The following CCDC85A variants were observed in gnomAD, a reference collection of about 807,000 sequenced individuals.
The protein encoded by CCDC85A is coiled-coil domain-containing protein 85A.
A neutral mutation model predicts 50.2 loss-of-function variants in CCDC85A; 38 were observed. That is an observed-to-expected ratio of 0.76 (90% CI 0.58 to 0.99). The LOEUF (loss-of-function observed/expected upper bound fraction) is 0.99. Among genes scored for constraint, CCDC85A ranks in the 50% least tolerant of loss-of-function variants. The pLI is 0.00. For missense variants in CCDC85A, 820 were observed against 742.0 expected (o/e 1.11, Z -1.22); for synonymous variants, 366 against 301.4 (o/e 1.21, Z -2.22).
chr2:56,292,224 A>G (rs1413504635), intron 2 of CCDC85A, among the ~76,000 whole-genome samples: 1 of 152,070 alleles, frequency 6.6e-6, no homozygotes, highest in Non-Finnish European at 1.5e-5. Flanking sequence ...CTGGGACTAC[A>G]GGCAACCACT....
At chr2:56,274,946 G>A (rs1028098593) in intron 2 of CCDC85A, among the ~76,000 whole-genome samples, 1 of 152,042 alleles carries the variant, frequency 6.6e-6, no homozygotes, top group Non-Finnish European at 1.5e-5. Context: ...GGTGTGTGTG[G>A]GTTAAGAGAG....
chr2:56,341,911 T>C (rs1404036893), intron 2 of CCDC85A, among the ~76,000 whole-genome samples: 1 of 152,174 alleles, frequency 6.6e-6, no homozygotes, highest in Non-Finnish European at 1.5e-5. Flanking sequence ...AAAGAACAAA[T>C]ATTTTTCTTA....
intron 2 of CCDC85A, among the ~76,000 whole-genome samples, chr2:56,211,918 G>T (rs1247507421): frequency 3.3e-5 from 5 of 151,934 alleles, no homozygotes; most frequent in Non-Finnish European, 7.4e-5. Flanking sequence ...AAACCTCCCA[G>T]TTCATGCTAA....
chr2:56,218,169 A>G (rs915804143), intron 2 of CCDC85A, among the ~76,000 whole-genome samples: 23 of 151,900 alleles, frequency 1.5e-4, no homozygotes, highest in African/African-American at 5.1e-4. Flanking sequence ...CAAATCTATC[A>G]TACCTTGTGA....
In CCDC85A at chr2:56,192,991, C is replaced by A; in HGVS notation, c.791C>A (p.Ala264Asp). The A allele has an allele frequency of 6.2e-7, 1 of 1,613,460 alleles. No individual in the cohort carries two copies. The highest frequency in any genetic ancestry group is 1.1e-5 in the South Asian group (1 of 91,052). ...ASPEHPQKPR[A>D]CGTPDRPKAL... ...CCCGAGCATCCACAGAAACCCAGAGCCTGTGGAACCCCAGATCGCCCCAAA... is the reference window on the plus strand; with the variant it reads ...CCCGAGCATCCACAGAAACCCAGAGACTGTGGAACCCCAGATCGCCCCAAA... The change falls in exon 2 of 6, where the codon GCC becomes GAC. Residue 264 changes from alanine (A) to aspartate (D), a missense_variant. By Grantham distance (126) the Ala-to-Asp change is moderately radical. Transcript: ENST00000407595. This position sits in a 1 kb window ranked among gnomAD's most constrained non-coding sequence, Gnocchi z 4.7.
chr2:56,232,741 C>G (rs1272036110), intron 2 of CCDC85A, among the ~76,000 whole-genome samples: 3 of 152,162 alleles, frequency 2.0e-5, no homozygotes, highest in Admixed American at 2.0e-4. Context: ...CCCCTCACCA[C>G]TCCACATCCA....
At chr2:56,373,977 A>G (rs1338231371) in intron 4 of CCDC85A, among the ~76,000 whole-genome samples, 1 of 152,210 alleles carries the variant, frequency 6.6e-6, no homozygotes, top group Non-Finnish European at 1.5e-5. Context: ...TGTGTCCCTT[A>G]ACCATCTTTT....
intron 2 of CCDC85A, among the ~76,000 whole-genome samples, chr2:56,253,933 T>C (rs150248357): frequency 1.2e-4 from 18 of 152,258 alleles, no homozygotes; most frequent in African/African-American, 3.9e-4. Flanking sequence ...TGAGTGGACA[T>C]TGGCTTTGAT....
intron 2 of CCDC85A, among the ~76,000 whole-genome samples, chr2:56,269,312 C>T (rs1670594521): frequency 1.4e-5 from 2 of 147,028 alleles, no homozygotes; most frequent in Admixed American, 1.4e-4. Context: ...TGCCCATGCA[C>T]ACTACCATAC....
chr2:56,192,917 G>A lies in CCDC85A; in HGVS notation c.717G>A (p.Lys239=), dbSNP rs774821369. The change falls in exon 2 of 6, where the codon AAG becomes AAA. Residue 239 remains lysine, a synonymous_variant. Coordinates refer to ENST00000407595, the MANE Select transcript of CCDC85A (RefSeq NM_001080433.2). This position sits in a 1 kb window ranked among gnomAD's most constrained non-coding sequence, Gnocchi z 4.7. ...ASSGSPEHLQ[K]PRSEGSPEHS... is the part of the protein sequence containing the mutation. ...GTGGCAGCCCGGAGCACCTGCAGAAGCCCCGGAGCGAGGGCAGCCCGGAGC... is the reference window on the plus strand; with the variant it reads ...GTGGCAGCCCGGAGCACCTGCAGAAACCCCGGAGCGAGGGCAGCCCGGAGC... The A allele has an allele frequency of 1.9e-6, 3 of 1,610,066 alleles. No individual in the cohort carries two copies. Among genetic ancestry groups the A allele is most frequent in the South Asian group, 1.1e-5 (1 of 90,858 alleles).
At chr2:56,189,622 C>A (rs936490759) in intron 1 of CCDC85A, among the ~76,000 whole-genome samples, 1 of 151,968 alleles carries the variant, frequency 6.6e-6, no homozygotes, top group South Asian at 2.1e-4. Context: ...TAAATTTCAA[C>A]TTTTATTTTA....
chr2:56,350,973 G>C (rs562014216), intron 3 of CCDC85A, among the ~76,000 whole-genome samples: 11 of 143,714 alleles, frequency 7.7e-5, no homozygotes, highest in South Asian at 2.3e-4. Flanking sequence ...TTTAGCATTA[G>C]GTATATCTCC....
chr2:56,249,827 T>C (rs1353882859), intron 2 of CCDC85A, among the ~76,000 whole-genome samples: 1 of 152,214 alleles, frequency 6.6e-6, no homozygotes, highest in African/African-American at 2.4e-5. Flanking sequence ...GGGGCATTTG[T>C]GTCCTTCAGA....
At chr2:56,355,454 A>G (rs1675176149) in intron 3 of CCDC85A, among the ~76,000 whole-genome samples, 1 of 152,188 alleles carries the variant, frequency 6.6e-6, no homozygotes, top group African/African-American at 2.4e-5. Context: ...ACTTCATAGT[A>G]TCTCACAAAA....
intron 2 of CCDC85A, among the ~76,000 whole-genome samples, chr2:56,266,578 G>GC (rs58439265): frequency 0.25 from 15,142 of 60,024 alleles, 3,500 homozygotes; most frequent in East Asian, 0.49. Flanking sequence ...ACAATAACGC[G>GC]CCCCCCCCCC....
intron 5 of CCDC85A, 106 bp from the exon 6 acceptor site, chr2:56,384,158 CTT>C (rs1676718618): frequency 2.2e-6 from 2 of 923,112 alleles, no homozygotes; most frequent in Non-Finnish European, 3.3e-6. Context: ...TATTTTGTCT[CTT>C]GTCTTTACTT....
chr2:56,325,109 G>A (rs1274309950), intron 2 of CCDC85A, among the ~76,000 whole-genome samples: 1 of 151,920 alleles, frequency 6.6e-6, no homozygotes, highest in East Asian at 1.9e-4. Context: ...ATTTAATAAT[G>A]CGATTTTATA....
chr2:56,184,631 A>T lies in CCDC85A; in HGVS notation c.7A>T (p.Lys3Ter). 1 of 1,427,302 alleles carries T rather than the reference A, an allele frequency of 7.0e-7. No homozygotes were observed. The highest frequency in any genetic ancestry group is 9.1e-7 in the Non-Finnish European group (1 of 1,104,680). 88.4% of individuals were successfully genotyped at this position (1,427,302 alleles called of 1,614,324 possible). A position where few individuals can be genotyped will look rare whatever the true frequency, so the allele number is the denominator to read the frequency against. The change falls in exon 1 of 6, where the codon AAG becomes TAG. Residue 3 changes from lysine to a stop codon, truncating the protein, a stop_gained. Coordinates refer to ENST00000407595, the MANE Select transcript of CCDC85A (RefSeq NM_001080433.2). LOFTEE classifies it high-confidence loss of function. The part of the protein sequence containing the change: MS[K>*]AAGGAAAAAA... ...CTGCCACCCCGCGGATACCATGTCG[A>T]AGGCGGCCGGAGGCGCGGCGGCGGC...
chr2:56,364,017 T>C (rs1013744935), intron 3 of CCDC85A, among the ~76,000 whole-genome samples: 1 of 152,256 alleles, frequency 6.6e-6, no homozygotes, highest in African/African-American at 2.4e-5. Flanking sequence ...ATCAGTCTTT[T>C]TCTGTAGGAA....
Sources: allele counts gnomAD v4.1 joint callset (sites outside exome capture counted in the v4.1 genomes callset), GRCh38; gene constraint gnomAD v4.1.1; non-coding constraint Gnocchi (gnomAD v3.1); transcripts MANE v1.5; gene names NCBI Gene and HGNC (gene_info 2026-07-23, HGNC 2026-07-21).